COBLL1: variants seen among roughly 807,000 people sequenced by gnomAD.
COBLL1 encodes the protein cordon-bleu WH2 repeat protein like 1, also known as cordon-bleu protein-like 1.
In COBLL1, 50 loss-of-function variants were observed where a neutral mutation model predicts 94.8. The ratio of observed to expected loss-of-function variants is 0.53; its 90% CI spans 0.42 to 0.67. COBLL1 has a LOEUF of 0.67. Ranked by LOEUF, COBLL1 falls within the 30% of genes least tolerant of loss-of-function variation. The probability of loss-of-function intolerance (pLI) is 0.00; values close to 1 mark genes in which losing one functional copy is unlikely to be tolerated. For missense variants in COBLL1, 1,362 were observed against 1,348.7 expected (o/e 1.01, Z -0.15); for synonymous variants, 448 against 473.8 (o/e 0.95, Z 0.71).
rs551193031 is a variant in COBLL1 at position 164,754,617 on chromosome 2, C to T, written c.42-10742G>A. On this transcript the variant is annotated intron_variant, in intron 2 of 13. Transcript: ENST00000652658. ...CTAGAGAATGACAGTTCTACATACA[C>T]GCTGTACCTGAGTTTCAGTTTCAGG... 9.2e-5 allele frequency among the ~76,000 whole-genome samples: 14 copies of T among 152,318 alleles called. No individual in the cohort carries two copies. In the East Asian group the frequency reaches 1.9e-3, roughly 21 times the overall value.
chr2:164,670,877 T>C (rs1294263278), intron 1 of COBLL1, among the ~76,000 whole-genome samples: 1 of 152,202 alleles, frequency 6.6e-6, no homozygotes, highest in Non-Finnish European at 1.5e-5. Context: ...AGAAAAGCAA[T>C]GGTGGCAGAT....
chr2:164,730,191 C>A, intron 3 of COBLL1, 76 bp from the exon 4 acceptor site: 3 of 1,248,506 alleles, frequency 2.4e-6, no homozygotes, highest in Non-Finnish European at 3.5e-6. Context: ...AATAGATAAA[C>A]AAGTCTACAA....
chr2:164,784,576 C>A (rs1191713176), intron 2 of COBLL1, among the ~76,000 whole-genome samples: 1 of 152,058 alleles, frequency 6.6e-6, no homozygotes, highest in Non-Finnish European at 1.5e-5. Context: ...CAAGGGCCAG[C>A]TCTAATGTGA....
At chr2:164,736,685 A>C in intron 3 of COBLL1, among the ~76,000 whole-genome samples, 1 of 152,186 alleles carries the variant, frequency 6.6e-6, no homozygotes. Context: ...CTACAAATAT[A>C]TCTCACTATA....
At chr2:164,794,699 A>G (rs1438335799) in intron 2 of COBLL1, among the ~76,000 whole-genome samples, 3 of 152,198 alleles carry the variant, frequency 2.0e-5, no homozygotes, top group African/African-American at 7.2e-5. Context: ...ACTGGGGCTC[A>G]GTACATACGC....
chr2:164,702,346 A>G (rs918558307), intron 9 of COBLL1, among the ~76,000 whole-genome samples: 5 of 151,778 alleles, frequency 3.3e-5, no homozygotes, highest in East Asian at 1.9e-4. Context: ...GGCGGATCAC[A>G]AGGTCAGGAG....
At chr2:164,838,405 T>C (rs1407056149) in intron 2 of COBLL1, among the ~76,000 whole-genome samples, 1 of 152,202 alleles carries the variant, frequency 6.6e-6, no homozygotes, top group East Asian at 1.9e-4. Context: ...ATCATAGAAT[T>C]AATAAAAGTG....
intron 7 of COBLL1, among the ~76,000 whole-genome samples, chr2:164,715,257 C>T (rs1435317609): frequency 1.3e-5 from 2 of 152,104 alleles, no homozygotes; most frequent in African/African-American, 2.4e-5. Context: ...CATTTCTCTA[C>T]TGAATGAAAC....
At chr2:164,786,355 TA>T (rs1204034221) in intron 2 of COBLL1, among the ~76,000 whole-genome samples, 4 of 152,150 alleles carry the variant, frequency 2.6e-5, no homozygotes, top group Admixed American at 2.6e-4. Context: ...TCATGCCAAA[TA>T]AAACAGAGCA....
At chr2:164,798,677 G>A (rs1285751015) in intron 2 of COBLL1, among the ~76,000 whole-genome samples, 1 of 152,130 alleles carries the variant, frequency 6.6e-6, no homozygotes, top group Non-Finnish European at 1.5e-5. Flanking sequence ...AAATTATTTG[G>A]TTCTATTCAC....
In COBLL1 at chr2:164,694,804, T is replaced by G; in HGVS notation, c.2588A>C (p.Lys863Thr). The part of the protein sequence containing the change: ...FKSRASNAQA[K>T]PSSFFLQMQK... ...CATCTGCAAAAAAAAAGAGCTGGGT[T>G]TGGCCTGGGCATTTGAAGCCCGAGA... is the stretch of plus-strand genomic sequence containing the variant. The change falls in exon 12 of 14, where the codon AAA becomes ACA. Residue 863 changes from lysine (K) to threonine (T), a missense_variant. By Grantham distance (78) the Lys-to-Thr change is moderately conservative. Transcript: ENST00000652658. 6.2e-7 allele frequency: 1 copy of G among 1,613,830 alleles called. No homozygotes were observed. The highest frequency in any genetic ancestry group is 8.5e-7 in the Non-Finnish European group (1 of 1,179,942).
intron 2 of COBLL1, among the ~76,000 whole-genome samples, chr2:164,805,330 T>C (rs1206194311): frequency 2.1e-5 from 1 of 47,318 alleles, no homozygotes; most frequent in East Asian, 4.8e-4. Context: ...TCTCTCTCTC[T>C]CTCTCTCTAT....
At chr2:164,677,514 C>T (rs1691359219), downstream of COBLL1, among the ~76,000 whole-genome samples, 1 of 152,252 alleles carries the variant, frequency 6.6e-6, no homozygotes, top group African/African-American at 2.4e-5. Context: ...ATCCCTAGCC[C>T]TAACAAGGCA....
chr2:164,785,560 T>C (rs1290935120), intron 2 of COBLL1, among the ~76,000 whole-genome samples: 1 of 152,162 alleles, frequency 6.6e-6, no homozygotes, highest in Admixed American at 6.5e-5. Context: ...CCCTTCATGA[T>C]GAGCCAGGAA....
intron 2 of COBLL1, among the ~76,000 whole-genome samples, chr2:164,826,552 A>G (rs1180284474): frequency 6.6e-6 from 1 of 152,228 alleles, no homozygotes; most frequent in Non-Finnish European, 1.5e-5. Flanking sequence ...CTGTATTACT[A>G]TCCTCTTCCA....
At chr2:164,678,194 T>C (rs1691369234), downstream of COBLL1, among the ~76,000 whole-genome samples, 1 of 152,152 alleles carries the variant, frequency 6.6e-6, no homozygotes, top group Admixed American at 6.6e-5. Context: ...CTTCAAGATA[T>C]AAAGGCTTAT....
intron 7 of COBLL1, chr2:164,718,281 G>A (rs1685276387): frequency 1.0e-6 from 1 of 982,868 alleles, no homozygotes. Flanking sequence ...ATTTAACAAT[G>A]CTGCAAGCAT....
chr2:164,735,159 G>A (rs999742526), intron 3 of COBLL1, among the ~76,000 whole-genome samples: 4 of 152,162 alleles, frequency 2.6e-5, no homozygotes, highest in Admixed American at 1.3e-4. Context: ...TAGGCACCTG[G>A]CTAGGTCGCT....
At chr2:164,818,304 A>G (rs1308955905) in intron 2 of COBLL1, among the ~76,000 whole-genome samples, 8 of 150,394 alleles carry the variant, frequency 5.3e-5, no homozygotes, top group Admixed American at 2.0e-4. Context: ...ATACATATGT[A>G]TACATATACA....
Sources: allele counts gnomAD v4.1 joint callset (sites outside exome capture counted in the v4.1 genomes callset), GRCh38; gene constraint gnomAD v4.1.1; transcripts MANE v1.5; gene names NCBI Gene and HGNC (gene_info 2026-07-23, HGNC 2026-07-21).